The following PRKACB variants were observed in gnomAD, a reference collection of about 807,000 sequenced individuals.
PRKACB encodes protein kinase cAMP-activated catalytic subunit beta, also known as cAMP-dependent protein kinase catalytic subunit beta.
A neutral mutation model predicts 51.4 loss-of-function variants in PRKACB; 16 were observed. The observed-to-expected ratio is 0.31, with a 90% CI of 0.21 to 0.47. PRKACB has a LOEUF of 0.47. Among genes scored for constraint, PRKACB ranks in the 20% least tolerant of loss-of-function variants. The pLI is 1.00. For synonymous variants in PRKACB, 147 were observed against 154.4 expected (o/e 0.95, Z 0.35); for missense variants, 309 against 464.5 (o/e 0.67, Z 3.08).
At chr1:84,203,364 A>G (rs751760402) in intron 8 of PRKACB, among the ~76,000 whole-genome samples, 1 of 152,062 alleles carries the variant, frequency 6.6e-6, no homozygotes, top group Non-Finnish European at 1.5e-5. Context: ...CTTCAACATG[A>G]GTAGACTTAC....
At chr1:84,232,589 G>T (rs1236096503) in intron 9 of PRKACB, among the ~76,000 whole-genome samples, 2 of 152,038 alleles carry the variant, frequency 1.3e-5, no homozygotes, top group Non-Finnish European at 2.9e-5. Flanking sequence ...TATGAATCTG[G>T]GTGCTCCTGT....
chr1:84,216,167 C>A (rs888872376), intron 9 of PRKACB, among the ~76,000 whole-genome samples: 1 of 151,896 alleles, frequency 6.6e-6, no homozygotes, highest in Non-Finnish European at 1.5e-5. Flanking sequence ...GGCAAAACCC[C>A]GTCTCTACAA....
chr1:84,115,098 C>G (rs762446092), intron 1 of PRKACB, among the ~76,000 whole-genome samples: 1 of 151,848 alleles, frequency 6.6e-6, no homozygotes, highest in Non-Finnish European at 1.5e-5. Context: ...TTTAGGTTTT[C>G]GAGAAATCTC....
chr1:84,238,357 G>C lies in PRKACB; in HGVS notation c.*3052G>C, dbSNP rs766211674. ...TAACCTATCAATGTAAAATGTTAAGGTGTGTTGTTATTTCATTAATTACTT... is the reference window on the plus strand; with the variant it reads ...TAACCTATCAATGTAAAATGTTAAGCTGTGTTGTTATTTCATTAATTACTT... On this transcript the variant is annotated 3_prime_UTR_variant, in exon 10 of 10. Transcript: ENST00000370685. The C allele has an allele frequency of 5.9e-5, 9 of 152,556 alleles. No homozygotes were observed. The highest frequency in any genetic ancestry group is 1.3e-4 in the Non-Finnish European group (9 of 68,012). 9.5% of individuals were successfully genotyped at this position (152,556 alleles called of 1,614,324 possible).
At chr1:84,092,471 C>T (rs1368478666) in intron 1 of PRKACB, among the ~76,000 whole-genome samples, 1 of 152,126 alleles carries the variant, frequency 6.6e-6, no homozygotes, top group African/African-American at 2.4e-5. Context: ...GCTTTGAACA[C>T]ACTTGTACAT....
In PRKACB at chr1:84,164,932, T is replaced by C. The variant is rs201673169; in HGVS notation, c.188-14245T>C. ...TTTACACCATCGGTTCTTCTCCCTC[T>C]AGAGATTAGCATAACTCCCTTTGCT... On this transcript the variant is annotated intron_variant, in intron 1 of 9. Transcript: ENST00000370685. The C allele has an allele frequency of 4.5e-5, 68 of 1,526,940 alleles. 1 individual carries two copies. In the Middle Eastern group the frequency reaches 8.5e-4, roughly 19 times the overall value. The allele number at this position is 1,526,940 out of a possible 1,614,324, so 94.6% of individuals were successfully genotyped here. A position where few individuals can be genotyped will look rare whatever the true frequency, so the allele number is the denominator to read the frequency against.
upstream of PRKACB, among the ~76,000 whole-genome samples, chr1:84,139,978 T>C (rs1325756990): frequency 6.6e-6 from 1 of 152,104 alleles, no homozygotes; most frequent in Non-Finnish European, 1.5e-5. Flanking sequence ...GAGAATAGCT[T>C]GAACCCAGGA....
intron 9 of PRKACB, among the ~76,000 whole-genome samples, chr1:84,233,215 C>T (rs57751180): frequency 0.025 from 3,863 of 151,842 alleles, 180 homozygotes; most frequent in African/African-American, 0.088. Flanking sequence ...TGAAAATTCT[C>T]TTCTTTAAGA....
At chr1:84,205,834 A>G (rs926427187) in intron 8 of PRKACB, among the ~76,000 whole-genome samples, 11 of 152,130 alleles carry the variant, frequency 7.2e-5, no homozygotes, top group African/African-American at 2.7e-4. Flanking sequence ...TGGTATTTAA[A>G]TGTCACATTA....
At chr1:84,199,043 GTATGCATATATA>G (rs1477040397) in intron 7 of PRKACB, among the ~76,000 whole-genome samples, 2 of 141,360 alleles carry the variant, frequency 1.4e-5, no homozygotes. Context: ...ATACGCATAT[GTATGCATATATA>G]TATGCGTATA....
chr1:84,184,061 C>T lies in PRKACB; in HGVS notation c.403C>T (p.His135Tyr), dbSNP rs748898273. The T allele has an allele frequency of 3.1e-6, 5 of 1,598,388 alleles. No individual in the cohort carries two copies. The highest frequency in any genetic ancestry group is 1.3e-5 in the African/African-American group (1 of 74,320). The change falls in exon 4 of 10, where the codon CAT becomes TAT. Residue 135 changes from histidine to tyrosine, a missense_variant. Around this residue, in one of 3 missense-constraint regions of PRKACB, gnomAD observed 153 missense variants for 190.2 expected, o/e 0.80. Coordinates refer to ENST00000370685, the MANE Select transcript of PRKACB (RefSeq NM_182948.4). ...GGTTGTTAAACTGAAGCAAATAGAG[C>T]ATACTTTGAATGAGAAAAGAATATT... Reference protein sequence around the residue: ...QKVVKLKQIEHTLNEKRILQA... With the variant: ...QKVVKLKQIEYTLNEKRILQA...
At position 84,078,678 on chromosome 1, in the gene PRKACB, G is replaced by T. The variant is rs1173573830; in HGVS notation, c.46+307G>T. Among the ~76,000 whole-genome samples the T allele has an allele frequency of 2.0e-5, 3 of 152,194 alleles. 1 individual carries two copies. The East Asian group carries it at 5.8e-4, about 29-fold the overall frequency. ...TGGAACACTTCCCCAAATATGGTCC[G>T]AGGAAAGAAGTCCCTAGTGCCATCC... is the stretch of plus-strand genomic sequence containing the variant. On this transcript the variant is annotated intron_variant, in intron 1 of 8. Transcript: ENST00000370688.
intron 1 of PRKACB, among the ~76,000 whole-genome samples, chr1:84,128,433 C>T (rs182019998): frequency 6.6e-6 from 1 of 152,206 alleles, no homozygotes; most frequent in East Asian, 1.9e-4. Context: ...GGCATACCCA[C>T]GATTTTCATG....
chr1:84,124,376 T>A (rs1214073636), intron 1 of PRKACB, among the ~76,000 whole-genome samples: 2 of 152,222 alleles, frequency 1.3e-5, no homozygotes, highest in Non-Finnish European at 2.9e-5. Flanking sequence ...TTACCTGAAG[T>A]TTCTTACATT....
At chr1:84,107,421 A>G (rs922691097) in intron 1 of PRKACB, among the ~76,000 whole-genome samples, 2 of 152,114 alleles carry the variant, frequency 1.3e-5, no homozygotes, top group Non-Finnish European at 2.9e-5. Context: ...TGGACATAAG[A>G]ACGGGCAAAA....
chr1:84,215,496 G>C (rs2101588035), intron 9 of PRKACB, among the ~76,000 whole-genome samples: 1 of 152,242 alleles, frequency 6.6e-6, no homozygotes, highest in East Asian at 1.9e-4. Context: ...TTGACTCTTT[G>C]CTCGCTAAAG....
At chr1:84,200,440 G>C (rs1250973904) in intron 7 of PRKACB, among the ~76,000 whole-genome samples, 1 of 152,074 alleles carries the variant, frequency 6.6e-6, no homozygotes, top group African/African-American at 2.4e-5. Flanking sequence ...TAGGTTGTCT[G>C]TTTACCGTTG....
intron 8 of PRKACB, among the ~76,000 whole-genome samples, chr1:84,210,701 TTAGA>T (rs1349843794): frequency 3.3e-5 from 5 of 152,178 alleles, no homozygotes; most frequent in Middle Eastern, 3.4e-3. Flanking sequence ...AAAGGAAAAA[TTAGA>T]TAGTCGCTCT....
At chr1:84,229,553 G>A (rs1381679108) in intron 9 of PRKACB, among the ~76,000 whole-genome samples, 10 of 148,374 alleles carry the variant, frequency 6.7e-5, no homozygotes, top group Non-Finnish European at 1.0e-4. Flanking sequence ...CACCAACAGT[G>A]TAAAAGTGTT....
Sources: allele counts gnomAD v4.1 joint callset (sites outside exome capture counted in the v4.1 genomes callset), GRCh38; gene constraint gnomAD v4.1.1; regional missense constraint gnomAD v4.1.1; transcripts MANE v1.5; gene names NCBI Gene and HGNC (gene_info 2026-07-23, HGNC 2026-07-21).